Variants in KIF6 observed in about 807,000 individuals in gnomAD.
KIF6 encodes the protein kinesin family member 6, also known as kinesin-like protein KIF6.
A neutral mutation model predicts 112.7 loss-of-function variants in KIF6; 106 were observed. The observed-to-expected ratio is 0.94, with a 90% CI of 0.80 to 1.11. The LOEUF is 1.11. Ranked by LOEUF, KIF6 falls within the 50% of genes least tolerant of loss-of-function variation. KIF6 has a pLI of 0.00. For missense variants in KIF6, 929 were observed against 964.0 expected, an observed-to-expected ratio of 0.96 and a Z score of 0.48; for synonymous variants, 339 against 339.9, an observed-to-expected ratio of 1.00 and a Z score of 0.03.
At chr6:39,617,253 CAG>C (rs1439332542) in intron 5 of KIF6, among the ~76,000 whole-genome samples, 2 of 152,150 alleles carry the variant, frequency 1.3e-5, no homozygotes, top group Admixed American at 1.3e-4. Flanking sequence ...TCTCTGTAAA[CAG>C]AGAATCTTTT....
At chr6:39,630,356 T>A (rs1784294456) in intron 5 of KIF6, among the ~76,000 whole-genome samples, 1 of 152,136 alleles carries the variant, frequency 6.6e-6, no homozygotes, top group African/African-American at 2.4e-5. Context: ...CATTCTTTGA[T>A]TTATTTGATC....
chr6:39,391,286 T>C (rs1302446941), intron 15 of KIF6, among the ~76,000 whole-genome samples: 2 of 152,174 alleles, frequency 1.3e-5, no homozygotes, highest in Non-Finnish European at 2.9e-5. Context: ...AACAGCGCCA[T>C]GCGGAACAGG....
At chr6:39,572,659 C>CTTTTTTT (rs35901482) in intron 10 of KIF6, among the ~76,000 whole-genome samples, 1 of 102,214 alleles carries the variant, frequency 9.8e-6, no homozygotes, top group Non-Finnish European at 2.0e-5. Context: ...GATCTACAGG[C>CTTTTTTT]TTTTTTTTTT....
rs546615515 is a variant in KIF6, at chr6:39,496,620, C to A, written c.1645+43383G>T. Among the ~76,000 whole-genome samples the A allele has an allele frequency of 3.9e-5, 6 of 152,272 alleles. No individual in the cohort carries two copies. The South Asian group carries it at 6.2e-4, about 16-fold the overall frequency. Reference sequence around the variant, plus strand: ...GAGATGGTCGTAGGGTAAGGGTCATCTATTTTTATGAGAAAATCTTGTTTA... The same window carrying A: ...GAGATGGTCGTAGGGTAAGGGTCATATATTTTTATGAGAAAATCTTGTTTA... On this transcript the variant is annotated intron_variant, in intron 13 of 22. Coordinates refer to ENST00000287152, the MANE Select transcript of KIF6 (RefSeq NM_145027.6).
intron 13 of KIF6, among the ~76,000 whole-genome samples, chr6:39,457,846 C>T (rs1043857030): frequency 3.9e-4 from 59 of 151,774 alleles, no homozygotes; most frequent in Middle Eastern, 3.4e-3. Flanking sequence ...CTGAATAGAC[C>T]AATAACAGGA....
intron 13 of KIF6, among the ~76,000 whole-genome samples, chr6:39,494,599 T>C (rs1364373308): frequency 6.6e-6 from 1 of 152,182 alleles, no homozygotes; most frequent in Non-Finnish European, 1.5e-5. Context: ...AATCTTTCTC[T>C]AGAAAGAAAT....
rs1778973533 is a variant in KIF6, at chr6:39,544,656, G to A, written c.1325C>T (p.Thr442Ile). Reference sequence around the variant, plus strand: ...TTGGTCTTTGCTTTCAGAGGAGACTGTATTGTTTTCAAGGATCTTCTTGTC... The same window carrying A: ...TTGGTCTTTGCTTTCAGAGGAGACTATATTGTTTTCAAGGATCTTCTTGTC... The part of the protein sequence containing the change: ...LNDKKILENN[T>I]VSSESKDQDC... The change falls in exon 12 of 23, where the codon ACA becomes ATA. Residue 442 changes from threonine to isoleucine, a missense_variant. Thr to Ile is a moderately conservative substitution (Grantham distance 89). Around this residue, in one of 2 missense-constraint regions of KIF6, gnomAD observed 688 missense variants for 662.7 expected, o/e 1.04. Transcript: ENST00000287152. The A allele has an allele frequency of 1.2e-6, 2 of 1,607,706 alleles. No individual in the cohort carries two copies. Among genetic ancestry groups the A allele is most frequent in the East Asian group, 2.2e-5 (1 of 44,808 alleles).
chr6:39,648,498 C>A (rs1311548053), intron 3 of KIF6, among the ~76,000 whole-genome samples: 3 of 152,206 alleles, frequency 2.0e-5, no homozygotes, highest in African/African-American at 7.2e-5. Flanking sequence ...CTGAAAGACA[C>A]CTCTTAGTCC....
rs148257627 is a variant in KIF6 at position 39,348,679 on chromosome 6, T to C, written c.2181-2153A>G. ...AATAAGGATTAATAAGCCATATTAA[T>C]AGTAATTAGGCCTTCTGGGTTGCCA... is the stretch of plus-strand genomic sequence containing the variant. On this transcript the variant is annotated intron_variant, in intron 19 of 22. Transcript: ENST00000287152. 1.5e-3 allele frequency among the ~76,000 whole-genome samples: 233 copies of C among 152,284 alleles called. No individual in the cohort carries two copies. The Middle Eastern group carries it at 0.017, about 11-fold the overall frequency.
chr6:39,404,484 T>C (rs900631743), intron 15 of KIF6, among the ~76,000 whole-genome samples: 5 of 152,202 alleles, frequency 3.3e-5, no homozygotes, highest in African/African-American at 1.2e-4. Context: ...ACCTTACAGG[T>C]GTGGGTCTGT....
chr6:39,488,098 T>C (rs369655708), intron 13 of KIF6, among the ~76,000 whole-genome samples: 4 of 152,276 alleles, frequency 2.6e-5, no homozygotes, highest in South Asian at 4.1e-4. Flanking sequence ...ATAATTTCTA[T>C]TATATTTCAT....
rs1329987054 is a variant in KIF6 at position 39,544,463 on chromosome 6, G to A, written c.1426+92C>T. ...AAGCAATGTGAAATGGAAGCTGGGT[G>A]GGGAGCTCAGCCATGTGGCTCAGGA... On this transcript the variant is annotated intron_variant, in intron 12 of 22. Coordinates refer to ENST00000287152, the MANE Select transcript of KIF6 (RefSeq NM_145027.6). 3.1e-6 allele frequency: 4 copies of A among 1,308,460 alleles called. No homozygotes were observed. The African/African-American group carries it at 4.5e-5, about 15-fold the overall frequency. The allele number at this position is 1,308,460 out of a possible 1,614,324, so 81.1% of individuals were successfully genotyped here.
intron 3 of KIF6, among the ~76,000 whole-genome samples, chr6:39,670,862 T>C (rs1582413059): frequency 6.6e-6 from 1 of 152,196 alleles, no homozygotes; most frequent in South Asian, 2.1e-4. Context: ...ACCAACCATA[T>C]GAGGGCATTG....
In KIF6 at chr6:39,343,532, T is replaced by C. The variant is rs1763465702; in HGVS notation, c.2428+177A>G. 3 of 1,419,906 alleles carry C rather than the reference T, an allele frequency of 2.1e-6. No individual in the cohort carries two copies. In the African/African-American group the frequency reaches 4.3e-5, roughly 20 times the overall value. The allele number at this position is 1,419,906 out of a possible 1,614,324, so 88.0% of individuals were successfully genotyped here. On this transcript the variant is annotated intron_variant, in intron 22 of 22. Transcript: ENST00000287152. This position sits in a 1 kb window ranked among gnomAD's most constrained non-coding sequence, Gnocchi z 4.1. ...GTCTTGGTGTTTCTGATGCTGCCCC[T>C]TGAGGCTTTCTCGAGAAGGAATCAG...
At chr6:39,571,935 T>C (rs754736062) in intron 10 of KIF6, among the ~76,000 whole-genome samples, 6 of 135,752 alleles carry the variant, frequency 4.4e-5, no homozygotes, top group Admixed American at 8.1e-5. Flanking sequence ...GCCTTCTTCC[T>C]CTTGACATCC....
chr6:39,437,922 TAATA>T lies in KIF6; in HGVS notation c.1646-6765_1646-6762del, dbSNP rs1449057423. Among the ~76,000 whole-genome samples, 4 of 152,072 alleles carry T rather than the reference TAATA, an allele frequency of 2.6e-5. No individual in the cohort carries two copies. The East Asian group carries it at 5.8e-4, about 22-fold the overall frequency. On this transcript the variant is annotated intron_variant, in intron 13 of 22. Transcript: ENST00000287152. ...ATTATATACGGTACATAATACTTGA[TAATA>T]AATGACTATTTTACTGATTTATGTA...
chr6:39,723,872 A>C (rs6917600), intron 1 of KIF6, among the ~76,000 whole-genome samples: 1,534 of 152,192 alleles, frequency 0.01, 20 homozygotes, highest in African/African-American at 0.035. Context: ...CTGCACATGC[A>C]CCCCAGGACT....
chr6:39,640,341 T>C (rs908939714), intron 3 of KIF6, among the ~76,000 whole-genome samples: 4 of 152,092 alleles, frequency 2.6e-5, no homozygotes, highest in Admixed American at 2.6e-4. Context: ...TTGATGGTGG[T>C]CTTAAGAACC....
At chr6:39,645,763 A>T (rs553343024) in intron 3 of KIF6, among the ~76,000 whole-genome samples, 25 of 152,324 alleles carry the variant, frequency 1.6e-4, no homozygotes, top group Admixed American at 2.0e-4. Context: ...AATGTGGCAC[A>T]TATATACCAT....
Sources: gnomAD v4.1 joint callset for allele counts (sites outside exome capture counted in the v4.1 genomes callset) on GRCh38, gnomAD v4.1.1 for gene constraint, gnomAD v4.1.1 regional missense constraint, Gnocchi (gnomAD v3.1) non-coding constraint, MANE v1.5 for transcripts, NCBI Gene and HGNC (gene_info 2026-07-23, HGNC 2026-07-21) for gene names.